Variants in STAU1 observed in about 807,000 individuals in gnomAD.
The protein encoded by STAU1 is double-stranded RNA-binding protein Staufen homolog 1.
Under a neutral mutation model 62.9 loss-of-function variants are expected in STAU1, and 13 were observed. The ratio of observed to expected loss-of-function variants is 0.21; its 90% CI spans 0.13 to 0.33. The LOEUF is 0.33. Ranked by LOEUF, STAU1 falls within the 10% of genes least tolerant of loss-of-function variation. STAU1 has a pLI of 1.00. For synonymous variants in STAU1, 269 were observed against 265.1 expected (o/e 1.01, Z -0.14); for missense variants, 571 against 712.1 (o/e 0.80, Z 2.25).
Position 49,117,265 on chromosome 20 carries a change from A to G in STAU1, c.1510-17T>C. ...GTATTCAACCTAAGGGGGAAAAGAG[A>G]GCTGAGGCTAGGTAGGGAACAGCAA... is the stretch of plus-strand genomic sequence containing the variant. On this transcript the variant is annotated splice_polypyrimidine_tract_variant and intron_variant, in intron 11 of 13. Transcript: ENST00000371856. The surrounding 1 kb of genome is among the most constrained non-coding windows in gnomAD (Gnocchi z 4.6). The G allele has an allele frequency of 6.2e-7, 1 of 1,613,612 alleles. No homozygotes were observed. The highest frequency in any genetic ancestry group is 1.3e-5 in the African/African-American group (1 of 75,036).
At chr20:49,150,801 C>A (rs1811632490) in intron 5 of STAU1, among the ~76,000 whole-genome samples, 1 of 152,168 alleles carries the variant, frequency 6.6e-6, no homozygotes, top group African/African-American at 2.4e-5. Context: ...CAGCTGCTTC[C>A]ATTTCCCATC....
the STAU1 span, among the ~76,000 whole-genome samples, chr20:49,208,050 TTTTG>T: frequency 1.1e-3 from 167 of 151,684 alleles, no homozygotes; most frequent in Non-Finnish European, 1.9e-3. Flanking sequence ...CCAGCTAATT[TTTTG>T]TTTGTTTGTT....
At chr20:49,129,780 A>G (rs1307365269) in intron 6 of STAU1, among the ~76,000 whole-genome samples, 1 of 151,590 alleles carries the variant, frequency 6.6e-6, no homozygotes, top group African/African-American at 2.4e-5. Context: ...GATTACAGGC[A>G]CATGCCTGGC....
chr20:49,158,529 G>T (rs1393971205), intron 3 of STAU1: 9 of 1,299,972 alleles, frequency 6.9e-6, no homozygotes, highest in Non-Finnish European at 8.1e-6. Flanking sequence ...TCCTTTATTG[G>T]CCAGGTGCAG....
At chr20:49,152,976 C>T (rs1163001420) in intron 4 of STAU1, among the ~76,000 whole-genome samples, 3 of 151,538 alleles carry the variant, frequency 2.0e-5, no homozygotes, top group Non-Finnish European at 4.4e-5. Flanking sequence ...AGGAGCCGGG[C>T]GTGGTGGCTC....
the STAU1 span, among the ~76,000 whole-genome samples, chr20:49,196,393 C>G: frequency 6.7e-6 from 1 of 148,814 alleles, no homozygotes; most frequent in Non-Finnish European, 1.5e-5. Context: ...ACTGAGATCG[C>G]GCCACTGCAC....
rs1485965964 is a variant in STAU1 at position 49,135,903 on chromosome 20, T to C, written c.539A>G (p.Asn180Ser). Reference protein sequence around the residue: ...EVNGRESEEENLNKSEISQVF... With the variant: ...EVNGRESEEESLNKSEISQVF... ...TTGACTTATTTCAGATTTATTGAGA[T>C]TTTCTTCTTCGGATTCTCTTCCATT... Residue 180 changes from asparagine (N) to serine (S), a missense_variant, in exon 6 of 14, where the codon AAT (asparagine) becomes AGT (serine). Asn to Ser is a conservative substitution (Grantham distance 46). This residue lies in a region of STAU1 where 414 missense variants were observed against 499.6 expected (regional missense o/e 0.83). Coordinates refer to ENST00000371856, the MANE Select transcript of STAU1 (RefSeq NM_017453.4). 2 of 1,613,928 alleles carry C rather than the reference T, an allele frequency of 1.2e-6. No individual in the cohort carries two copies. The highest frequency in any genetic ancestry group is 1.7e-6 in the Non-Finnish European group (2 of 1,179,964).
chr20:49,147,786 A>G (rs182978377), intron 5 of STAU1, among the ~76,000 whole-genome samples: 9 of 152,358 alleles, frequency 5.9e-5, no homozygotes, highest in Admixed American at 1.3e-4. Context: ...GTGTGTGCTG[A>G]ATTTGGGTCC....
the STAU1 span, among the ~76,000 whole-genome samples, chr20:49,217,676 AAT>A: frequency 6.6e-5 from 9 of 135,922 alleles, no homozygotes; most frequent in Admixed American, 2.3e-4. Context: ...TTCCTTTTAA[AAT>A]ATATATATAT....
intron 6 of STAU1, among the ~76,000 whole-genome samples, chr20:49,128,509 G>A (rs537427642): frequency 2.0e-5 from 3 of 152,264 alleles, no homozygotes; most frequent in African/African-American, 7.2e-5. Flanking sequence ...ATTTCTATTA[G>A]AAATTTATGT....
At chr20:49,199,929 G>A in the STAU1 span, among the ~76,000 whole-genome samples, 2 of 151,976 alleles carry the variant, frequency 1.3e-5, no homozygotes, top group African/African-American at 2.4e-5. Flanking sequence ...AGGCTGGTCT[G>A]CAACTCGTGG....
At chr20:49,209,791 G>A in the STAU1 span, among the ~76,000 whole-genome samples, 1 of 152,014 alleles carries the variant, frequency 6.6e-6, no homozygotes, top group Non-Finnish European at 1.5e-5. Context: ...GCTCATGCCT[G>A]TAATCCCAGC....
At chr20:49,198,371 G>A in the STAU1 span, among the ~76,000 whole-genome samples, 1 of 151,828 alleles carries the variant, frequency 6.6e-6, no homozygotes, top group Non-Finnish European at 1.5e-5. Flanking sequence ...AAAATTAGCT[G>A]GGTGTGTGCC....
At chr20:49,194,729 C>G in the STAU1 span, among the ~76,000 whole-genome samples, 17 of 152,026 alleles carry the variant, frequency 1.1e-4, no homozygotes, top group African/African-American at 3.9e-4. Context: ...CAGGCGCACA[C>G]CACTACACCT....
intron 1 of STAU1, among the ~76,000 whole-genome samples, chr20:49,185,421 T>C (rs917231526): frequency 6.6e-6 from 1 of 152,242 alleles, no homozygotes; most frequent in African/African-American, 2.4e-5. Flanking sequence ...TTTGAGGAGC[T>C]GAAGGCATTG....
chr20:49,137,899 C>G (rs971974521), intron 5 of STAU1, among the ~76,000 whole-genome samples: 1 of 143,612 alleles, frequency 7.0e-6, no homozygotes, highest in African/African-American at 2.6e-5. Flanking sequence ...AGGCTATTCT[C>G]GAACTCCTGA....
chr20:49,149,039 T>C (rs545048724), intron 5 of STAU1, among the ~76,000 whole-genome samples: 1 of 152,154 alleles, frequency 6.6e-6, no homozygotes, highest in Admixed American at 6.6e-5. Context: ...TCACCTGAGC[T>C]CAGGAGCTTG....
chr20:49,153,266 A>AG (rs2093290674), intron 4 of STAU1, among the ~76,000 whole-genome samples: 3 of 144,640 alleles, frequency 2.1e-5, no homozygotes, highest in African/African-American at 4.9e-5. Flanking sequence ...AAAAAAAAAA[A>AG]AAGAAGCACA....
intron 5 of STAU1, among the ~76,000 whole-genome samples, chr20:49,138,334 T>C (rs79669339): frequency 6.6e-6 from 1 of 152,022 alleles, no homozygotes; most frequent in South Asian, 2.1e-4. Flanking sequence ...GTTAAAAAAA[T>C]ATATATATAA....
Sources: allele counts gnomAD v4.1 joint callset (sites outside exome capture counted in the v4.1 genomes callset), GRCh38; gene constraint gnomAD v4.1.1; regional missense constraint gnomAD v4.1.1; non-coding constraint Gnocchi (gnomAD v3.1); transcripts MANE v1.5; gene names NCBI Gene and HGNC (gene_info 2026-07-23, HGNC 2026-07-21).